GNG13: variants seen among roughly 807,000 people sequenced by gnomAD.
GNG13 encodes guanine nucleotide-binding protein G(I)/G(S)/G(O) subunit gamma-13.
A neutral mutation model predicts 8.2 loss-of-function variants in GNG13; 12 were observed. The observed-to-expected ratio is 1.47, with a 90% confidence interval of 0.94 to 2.38. The LOEUF (loss-of-function observed/expected upper bound fraction) is 2.38, where lower values mean the gene tolerates loss of function less well. Among genes scored for constraint, GNG13 ranks in the 30% most tolerant of loss-of-function variants. The pLI is 0.00. For synonymous variants in GNG13, 45 were observed against 33.0 expected (o/e 1.37, Z -1.25); for missense variants, 100 against 85.2 (o/e 1.17, Z -0.68).
chr16:798,906 G>T, intron 2 of GNG13, 74 bp downstream of exon 2: 3 of 1,358,926 alleles, frequency 2.2e-6, no homozygotes, highest in Non-Finnish European at 3.2e-6. Context: ...GGCGGCGGTG[G>T]TCGTGGCTAT....
intron 1 of GNG13, among the ~76,000 whole-genome samples, chr16:800,408 C>G (rs1030357347): frequency 2.6e-5 from 4 of 152,162 alleles, no homozygotes; most frequent in Admixed American, 2.6e-4. Flanking sequence ...CCACCCCGTG[C>G]ACCCCGTGGA....
chr16:799,359 C>T (rs1472538392), intron 1 of GNG13, among the ~76,000 whole-genome samples: 3 of 152,210 alleles, frequency 2.0e-5, no homozygotes, highest in Non-Finnish European at 4.4e-5. Context: ...AGCTACTCCC[C>T]CATAGGCCCC....
In GNG13 at chr16:798,415, A is replaced by G. The variant is rs537164693; in HGVS notation, c.*304T>C. 4.3e-5 allele frequency: 17 copies of G among 397,452 alleles called. No homozygotes were observed. The highest frequency in any genetic ancestry group is 7.1e-5 in the Non-Finnish European group (16 of 225,704). 24.6% of individuals were successfully genotyped at this position (397,452 alleles called of 1,614,324 possible). A position where few individuals can be genotyped will look rare whatever the true frequency, so the allele number is the denominator to read the frequency against. ...TGGGGCTGGGAGTGGGGCTCACAGG[A>G]TGGTGGGAGTGGGGCTGGAAGTGGG... is the stretch of plus-strand genomic sequence containing the variant. On this transcript the variant is annotated 3_prime_UTR_variant, in exon 3 of 3. Transcript: ENST00000248150.
intron 1 of GNG13, 129 bp from the exon 2 acceptor site, chr16:799,240 C>G: frequency 1.6e-6 from 1 of 616,776 alleles, no homozygotes; most frequent in South Asian, 1.8e-5. Context: ...CTGCCTGGGC[C>G]AGTCCCCTAG....
rs201293834 is a variant in GNG13 at position 798,956 on chromosome 16, A to C, written c.98+24T>G. ...AGCGCAGGGCAGACAAATGAGAGGC[A>C]AATCAGGCAGGTGGGGCACTCACTC... On this transcript the variant is annotated intron_variant, in intron 2 of 2. Coordinates refer to ENST00000248150, the MANE Select transcript of GNG13 (RefSeq NM_016541.3). The C allele has an allele frequency of 5.9e-5, 88 of 1,482,284 alleles. 1 individual carries two copies. The African/African-American group carries it at 1.1e-3, about 19-fold the overall frequency. The allele number at this position is 1,482,284 out of a possible 1,614,324, so 91.8% of individuals were successfully genotyped here. A position where few individuals can be genotyped will look rare whatever the true frequency, so the allele number is the denominator to read the frequency against.
Position 798,642 on chromosome 16 carries a change from G to A in GNG13, c.*77C>T. The A allele has an allele frequency of 3.3e-6, 3 of 896,020 alleles. No homozygotes were observed. The highest frequency in any genetic ancestry group is 3.7e-6 in the Non-Finnish European group (2 of 534,264). The allele number at this position is 896,020 out of a possible 1,614,324, so 55.5% of individuals were successfully genotyped here. Reference sequence around the variant, plus strand: ...CACAGGATGGAGTGAGTGGGGCTGGGCACAGTCTTACAAGATGGTGGGAGT... The same window carrying A: ...CACAGGATGGAGTGAGTGGGGCTGGACACAGTCTTACAAGATGGTGGGAGT... On this transcript the variant is annotated 3_prime_UTR_variant, in exon 3 of 3. Transcript: ENST00000248150.
chr16:800,508 C>G (rs2151654577), intron 1 of GNG13, among the ~76,000 whole-genome samples, 158 bp downstream of exon 1: 1 of 152,342 alleles, frequency 6.6e-6, no homozygotes, highest in East Asian at 1.9e-4. Flanking sequence ...AGCCGCCTCC[C>G]TGCCTGCAGC....
chr16:799,170 C>T (rs898946300), intron 1 of GNG13, 59 bp from the exon 2 acceptor site: 19 of 730,688 alleles, frequency 2.6e-5, no homozygotes, highest in Middle Eastern at 2.6e-4. Context: ...TCCCCACCCC[C>T]GCTGCTCCCC....
chr16:799,231 T>C (rs2042426548), intron 1 of GNG13, 120 bp from the exon 2 acceptor site: 1 of 624,820 alleles, frequency 1.6e-6, no homozygotes, highest in Non-Finnish European at 2.9e-6. Context: ...TCCACACCAC[T>C]GCCTGGGCCA....
In GNG13 at chr16:798,984, G is replaced by T; in HGVS notation, c.94C>A (p.Pro32Thr). The T allele has an allele frequency of 1.3e-6, 2 of 1,583,840 alleles. No homozygotes were observed. The highest frequency in any genetic ancestry group is 2.7e-5 in the African/African-American group (2 of 74,448). Residue 32 changes from proline (P) to threonine (T), a missense_variant, in exon 2 of 3, where the codon CCC becomes ACC. By Grantham distance (38) the Pro-to-Thr change is conservative. Coordinates refer to ENST00000248150, the MANE Select transcript of GNG13 (RefSeq NM_016541.3). ...TCAGGCAGGTGGGGCACTCACTCGG[G>T]GATGGTCTTGGACGCCATCTCCCGC... ...FQREMASKTI[P>T]ELLKWIEDGI...
rs1349650904 is a variant in GNG13 at position 799,535 on chromosome 16, C to T, written c.-34-424G>A. Among the ~76,000 whole-genome samples, 3 of 152,268 alleles carry T rather than the reference C, an allele frequency of 2.0e-5. No homozygotes were observed. In the East Asian group the frequency reaches 5.8e-4, roughly 29 times the overall value. ...CCCCTGCCCCGCCCCGCTGTGTGCCCCTTTGCTTTGCATGGCAGAGCCCAG... is the reference window on the plus strand; with the variant it reads ...CCCCTGCCCCGCCCCGCTGTGTGCCTCTTTGCTTTGCATGGCAGAGCCCAG... On this transcript the variant is annotated intron_variant, in intron 1 of 2. Coordinates refer to ENST00000248150, the MANE Select transcript of GNG13 (RefSeq NM_016541.3).
At chr16:799,466 C>T (rs2042428901) in intron 1 of GNG13, among the ~76,000 whole-genome samples, 1 of 152,006 alleles carries the variant, frequency 6.6e-6, no homozygotes, top group Non-Finnish European at 1.5e-5. Flanking sequence ...GCAGGCTGAC[C>T]CAGACCACGG....
intron 1 of GNG13, among the ~76,000 whole-genome samples, chr16:799,360 C>T (rs947837949): frequency 6.6e-6 from 1 of 152,220 alleles, no homozygotes; most frequent in Non-Finnish European, 1.5e-5. Context: ...GCTACTCCCC[C>T]ATAGGCCCCC....
chr16:799,798 C>T (rs1362219028), intron 1 of GNG13, among the ~76,000 whole-genome samples: 3 of 152,112 alleles, frequency 2.0e-5, no homozygotes, highest in African/African-American at 4.8e-5. Context: ...GCCACAAGTT[C>T]GAGGCAAGTG....
rs1175226751 is a variant in GNG13, at chr16:798,977, C to CA, written c.98+2dup. 2.5e-6 allele frequency: 4 copies of CA among 1,568,878 alleles called. No homozygotes were observed. The highest frequency in any genetic ancestry group is 1.7e-4 in the Middle Eastern group (1 of 5,966). On this transcript the variant is annotated splice_region_variant and intron_variant, in intron 2 of 2. Coordinates refer to ENST00000248150, the MANE Select transcript of GNG13 (RefSeq NM_016541.3). ...AGGCAAATCAGGCAGGTGGGGCACT[C>CA]ACTCGGGGATGGTCTTGGACGCCAT... is the stretch of plus-strand genomic sequence containing the variant.
In GNG13 at chr16:798,979, C is replaced by G; in HGVS notation, c.98+1G>C. ...GCAAATCAGGCAGGTGGGGCACTCA[C>G]TCGGGGATGGTCTTGGACGCCATCT... On this transcript the variant is annotated splice_donor_variant, in intron 2 of 2. Coordinates refer to ENST00000248150, the MANE Select transcript of GNG13 (RefSeq NM_016541.3). LOFTEE classifies it high-confidence loss of function. 2 of 1,578,432 alleles carry G rather than the reference C, an allele frequency of 1.3e-6. No individual in the cohort carries two copies. The highest frequency in any genetic ancestry group is 1.7e-6 in the Non-Finnish European group (2 of 1,147,838).
chr16:800,119 G>A (rs905047328), intron 1 of GNG13, among the ~76,000 whole-genome samples: 1 of 152,116 alleles, frequency 6.6e-6, no homozygotes, highest in Non-Finnish European at 1.5e-5. Flanking sequence ...GGGTCTGCCC[G>A]TAGTGGGGTG....
At chr16:800,116 C>T (rs2042433976) in intron 1 of GNG13, among the ~76,000 whole-genome samples, 1 of 149,876 alleles carries the variant, frequency 6.7e-6, no homozygotes, top group Admixed American at 6.6e-5. Context: ...AGAGGGTCTG[C>T]CCGTAGTGGG....
chr16:800,117 C>G (rs1254445855), intron 1 of GNG13, among the ~76,000 whole-genome samples: 1 of 149,864 alleles, frequency 6.7e-6, no homozygotes, highest in Non-Finnish European at 1.5e-5. Context: ...GAGGGTCTGC[C>G]CGTAGTGGGG....
Sources: allele counts gnomAD v4.1 joint callset (sites outside exome capture counted in the v4.1 genomes callset), GRCh38; gene constraint gnomAD v4.1.1; transcripts MANE v1.5; gene names NCBI Gene and HGNC (gene_info 2026-07-23, HGNC 2026-07-21).